DNAH2: variants seen among roughly 807,000 people sequenced by gnomAD.
The protein encoded by DNAH2 is dynein axonemal heavy chain 2, also known as axonemal beta dynein heavy chain 2.
Under a neutral mutation model 523.5 loss-of-function variants are expected in DNAH2, and 323 were observed. The ratio of observed to expected loss-of-function variants is 0.62; its 90% CI spans 0.56 to 0.68. The LOEUF is 0.68. Among genes scored for constraint, DNAH2 ranks in the 30% least tolerant of loss-of-function variants. The pLI, the probability that DNAH2 is intolerant of heterozygous loss-of-function variation, is 0.00. For missense variants in DNAH2, 4,907 were observed against 5,701.5 expected, an observed-to-expected ratio of 0.86 and a Z score of 4.49; for synonymous variants, 2,093 against 2,177.4, an observed-to-expected ratio of 0.96 and a Z score of 1.08.
In DNAH2 at chr17:7,799,131, G is replaced by T; in HGVS notation, c.8588G>T (p.Arg2863Leu). ...CAGTCGCATATCATAGACCAGGCCC[G>T]GGTGGAGCAGGTGCCTGAGTCATCG... Reference protein sequence around the residue: ...EIQSHIIDQARVEQVPESSDS... With the variant: ...EIQSHIIDQALVEQVPESSDS... The change falls in exon 56 of 86, where the codon CGG becomes CTG. Residue 2863 changes from arginine (R) to leucine (L), a missense_variant. Arg to Leu is a moderately radical substitution (Grantham distance 102, BLOSUM62 -2). Coordinates refer to ENST00000572933, the MANE Select transcript of DNAH2 (RefSeq NM_020877.5). The T allele has an allele frequency of 6.2e-7, 1 of 1,614,164 alleles. No homozygotes were observed. The highest frequency in any genetic ancestry group is 8.5e-7 in the Non-Finnish European group (1 of 1,180,034).
At chr17:7,817,213 G>A (rs2077696551) in intron 64 of DNAH2, 77 bp from the exon 65 acceptor site, 1 of 1,530,992 alleles carries the variant, frequency 6.5e-7, no homozygotes, top group Non-Finnish European at 8.7e-7. Context: ...TCCAGAAGAG[G>A]GTGCCTTCAA....
chr17:7,721,008 T>C (rs307629), intron 2 of DNAH2, among the ~76,000 whole-genome samples: 15,437 of 129,420 alleles, frequency 0.12, 861 homozygotes, highest in African/African-American at 0.21. Context: ...TTCTTTCTTT[T>C]TTTTTTTTTT....
Position 7,804,955 on chromosome 17 carries a change from T to C in DNAH2, c.9184-3T>C, listed in dbSNP as rs751574517. On this transcript the variant is annotated splice_polypyrimidine_tract_variant and splice_region_variant and intron_variant, in intron 59 of 85. Coordinates refer to ENST00000572933, the MANE Select transcript of DNAH2 (RefSeq NM_020877.5). ...AAAACCCTTGTCCTTTTTTCATCCCTAGGCCGTAACAGCCAACAGTGAAAA... is the reference window on the plus strand; with the variant it reads ...AAAACCCTTGTCCTTTTTTCATCCCCAGGCCGTAACAGCCAACAGTGAAAA... The C allele has an allele frequency of 4.3e-6, 7 of 1,613,816 alleles. No homozygotes were observed. The South Asian group carries it at 7.7e-5, about 18-fold the overall frequency.
rs140070507 is a variant in DNAH2 at position 7,770,914 on chromosome 17, G to A, written c.4343G>A (p.Arg1448His). The A allele has an allele frequency of 9.9e-5, 159 of 1,613,830 alleles. No individual in the cohort carries two copies. The highest frequency in any genetic ancestry group is 3.5e-4 in the Middle Eastern group (2 of 5,790). ...ATTGAGATGATTCTCACAGTGCAGC[G>A]TCAGTGGATGTACTTAGAGGTCAGG... ...EVIEMILTVQ[R>H]QWMYLENIFL... Residue 1448 changes from arginine (R) to histidine (H), a missense_variant, in exon 27 of 86, where the codon CGT becomes CAT. Physicochemically the swap from Arg to His is conservative, Grantham distance 29. This residue lies in a region of DNAH2 where 2,806 missense variants were observed against 3,190.8 expected (regional missense o/e 0.88). Coordinates refer to ENST00000572933, the MANE Select transcript of DNAH2 (RefSeq NM_020877.5).
In DNAH2 at chr17:7,760,393, G is replaced by T. The variant is rs1481541915; in HGVS notation, c.2786-347G>T. ...AAACAAAAACAGGGGGGCCAGACTG[G>T]GGAAGGGAGCAGGGGCTTGGATGGG... On this transcript the variant is annotated intron_variant, in intron 17 of 85. Coordinates refer to ENST00000572933, the MANE Select transcript of DNAH2 (RefSeq NM_020877.5). This position sits in a 1 kb window ranked among gnomAD's most constrained non-coding sequence, Gnocchi z 4.0. Among the ~76,000 whole-genome samples, 2 of 151,788 alleles carry T rather than the reference G, an allele frequency of 1.3e-5. No individual in the cohort carries two copies. The highest frequency in any genetic ancestry group is 2.4e-5 in the African/African-American group (1 of 41,316).
intron 12 of DNAH2, among the ~76,000 whole-genome samples, chr17:7,750,436 C>T (rs2075652083): frequency 6.6e-6 from 1 of 152,120 alleles, no homozygotes; most frequent in East Asian, 1.9e-4. Flanking sequence ...TTTCCTTTGT[C>T]TTCCTCTTTT....
At position 7,719,731 on chromosome 17, in the gene DNAH2, C is replaced by A. The variant is rs959743639; in HGVS notation, c.-4C>A. 6.2e-7 allele frequency: 1 copy of A among 1,614,206 alleles called. No homozygotes were observed. Among genetic ancestry groups the A allele is most frequent in the Non-Finnish European group, 8.5e-7 (1 of 1,180,042 alleles). ...CCTGTATACCTGTAGGTTTTGCCTG[C>A]ACGATGTCCAGCAAAGCTGAGAAGA... On this transcript the variant is annotated 5_prime_UTR_variant, in exon 2 of 86. Coordinates refer to ENST00000572933, the MANE Select transcript of DNAH2 (RefSeq NM_020877.5).
chr17:7,804,163 G>A lies in DNAH2; in HGVS notation c.8973-93G>A, dbSNP rs764352115. 113 of 1,313,962 alleles carry A rather than the reference G, an allele frequency of 8.6e-5. 1 individual carries two copies. Among genetic ancestry groups the A allele is most frequent in the South Asian group, 6.1e-4 (46 of 75,840 alleles). 81.4% of individuals were successfully genotyped at this position (1,313,962 alleles called of 1,614,324 possible). Reference sequence around the variant, plus strand: ...TGTTGGTGGCAACAGAAAGGAAGGCGGACTCGAGACACACGGGGAAGGTGG... The same window carrying A: ...TGTTGGTGGCAACAGAAAGGAAGGCAGACTCGAGACACACGGGGAAGGTGG... On this transcript the variant is annotated intron_variant, in intron 58 of 85. Transcript: ENST00000572933.
chr17:7,775,095 A>C, intron 29 of DNAH2, 119 bp downstream of exon 29: 2 of 1,266,496 alleles, frequency 1.6e-6, no homozygotes, highest in Non-Finnish European at 2.2e-6. Context: ...AATGATTCTC[A>C]ATTCTCAGGG....
chr17:7,763,804 C>T, intron 18 of DNAH2, 27 bp from the exon 19 acceptor site: 1 of 1,613,230 alleles, frequency 6.2e-7, no homozygotes, highest in African/African-American at 1.3e-5. Flanking sequence ...AAAACAACAT[C>T]CTAGCTGGGA....
intron 30 of DNAH2, among the ~76,000 whole-genome samples, chr17:7,775,585 T>C (rs1457965887): frequency 6.6e-6 from 1 of 150,826 alleles, no homozygotes; most frequent in South Asian, 2.1e-4. Flanking sequence ...CTCGGGAGGC[T>C]GAGGCAGGAG....
At chr17:7,731,888 G>T (rs2151133642) in intron 4 of DNAH2, among the ~76,000 whole-genome samples, 1 of 151,952 alleles carries the variant, frequency 6.6e-6, no homozygotes, top group South Asian at 2.1e-4. Flanking sequence ...AATTAGCCGG[G>T]CGTGGTGGCA....
intron 4 of DNAH2, among the ~76,000 whole-genome samples, chr17:7,732,154 G>T (rs973683233): frequency 6.6e-6 from 1 of 151,740 alleles, no homozygotes; most frequent in East Asian, 1.9e-4. Flanking sequence ...TAAATTGTCA[G>T]CCGGGTATGG....
chr17:7,818,091 G>C lies in DNAH2; in HGVS notation c.10382G>C (p.Arg3461Pro), dbSNP rs375708908. ...CCCATGCTCAACAAATCTGTAGCCC[G>C]AATCGGTCAGGACAAGTCCCCAAGA... ...LNPMLNKSVA[R>P]IGGRLLMRIG... The change falls in exon 68 of 86, where the codon CGA (arginine) becomes CCA (proline). Residue 3461 changes from arginine (R) to proline (P), a missense_variant. Around this residue, in one of 3 missense-constraint regions of DNAH2, gnomAD observed 1,851 missense variants for 2,139.4 expected, o/e 0.87. Transcript: ENST00000572933. The C allele has an allele frequency of 6.2e-7, 1 of 1,610,890 alleles. No homozygotes were observed. Among genetic ancestry groups the C allele is most frequent in the Admixed American group, 1.7e-5 (1 of 60,030 alleles).
At chr17:7,824,971 G>A (rs1567762793) in intron 77 of DNAH2, among the ~76,000 whole-genome samples, 1 of 152,136 alleles carries the variant, frequency 6.6e-6, no homozygotes, top group Non-Finnish European at 1.5e-5. Context: ...CGTTTAATAT[G>A]GGTGTGTGCA....
chr17:7,776,676 G>T, intron 31 of DNAH2, 103 bp from the exon 32 acceptor site: 2 of 850,632 alleles, frequency 2.4e-6, no homozygotes, highest in Admixed American at 2.1e-5. Context: ...ATTGGGTGCA[G>T]TTGGGAGAGG....
intron 4 of DNAH2, among the ~76,000 whole-genome samples, chr17:7,730,786 G>C (rs1056104553): frequency 1.6e-4 from 24 of 151,990 alleles, no homozygotes; most frequent in Non-Finnish European, 7.3e-5. Context: ...GGGTGACAGA[G>C]CGAGAGTCTG....
At chr17:7,753,565 T>C (rs915302970) in intron 12 of DNAH2, among the ~76,000 whole-genome samples, 1 of 152,108 alleles carries the variant, frequency 6.6e-6, no homozygotes, top group Non-Finnish European at 1.5e-5. Flanking sequence ...ATACTCCTAC[T>C]GAAAGGAAGG....
intron 42 of DNAH2, chr17:7,787,287 C>G (rs917903378): frequency 3.7e-6 from 2 of 546,830 alleles, no homozygotes. Context: ...CTCCTCGGCT[C>G]GTTCTCACGG....
Sources: allele counts gnomAD v4.1 joint callset (sites outside exome capture counted in the v4.1 genomes callset), GRCh38; gene constraint gnomAD v4.1.1; regional missense constraint gnomAD v4.1.1; non-coding constraint Gnocchi (gnomAD v3.1); transcripts MANE v1.5; gene names NCBI Gene and HGNC (gene_info 2026-07-23, HGNC 2026-07-21).